The following TMEM217B variants were observed in gnomAD, a reference collection of about 807,000 sequenced individuals.
TMEM217B encodes the protein transmembrane protein 217B, also known as putative transmembrane protein 217B.
chr6:37,229,488 G>A, the TMEM217B span, among the ~76,000 whole-genome samples: 4 of 151,554 alleles, frequency 2.6e-5, no homozygotes, highest in South Asian at 4.2e-4. Context: ...GACTACAGGC[G>A]CCCGCCACCA....
At chr6:37,257,271 C>T in the TMEM217B span, among the ~76,000 whole-genome samples, 1 of 152,170 alleles carries the variant, frequency 6.6e-6, no homozygotes, top group Admixed American at 6.5e-5. Context: ...TGAACCGTTG[C>T]TCACGTGTTG....
the TMEM217B span, among the ~76,000 whole-genome samples, chr6:37,226,602 A>G: frequency 6.6e-6 from 1 of 150,822 alleles, no homozygotes; most frequent in African/African-American, 2.4e-5. Flanking sequence ...CGGCCGAGAC[A>G]GAGTCTTGCT....
chr6:37,229,335 GTTTTTT>G, the TMEM217B span, among the ~76,000 whole-genome samples: 11 of 74,364 alleles, frequency 1.5e-4, no homozygotes, highest in South Asian at 1.3e-3. Context: ...GCAACTTTCA[GTTTTTT>G]TTTTTTTTTT....
the TMEM217B span, among the ~76,000 whole-genome samples, chr6:37,255,096 A>T: frequency 4.3e-4 from 66 of 152,296 alleles, no homozygotes; most frequent in East Asian, 0.011. Context: ...GGTTCCTAAC[A>T]GGCAACAGAC....
the TMEM217B span, chr6:37,218,466 T>C: frequency 6.2e-7 from 1 of 1,613,550 alleles, no homozygotes; most frequent in Non-Finnish European, 8.5e-7. Context: ...TGTGAGCCAC[T>C]GAACCCACTC....
At chr6:37,215,572 A>G in the TMEM217B span, among the ~76,000 whole-genome samples, 255 of 19,564 alleles carry the variant, frequency 0.013, 2 homozygotes, top group African/African-American at 0.032. Flanking sequence ...CTCTGTCTCA[A>G]AAAAAAAAAA....
chr6:37,254,206 G>A, the TMEM217B span, among the ~76,000 whole-genome samples: 1 of 152,266 alleles, frequency 6.6e-6, no homozygotes, highest in South Asian at 2.1e-4. Flanking sequence ...TCAGAATCTA[G>A]GTTTTTAATA....
the TMEM217B span, among the ~76,000 whole-genome samples, chr6:37,249,302 ATTC>A: frequency 5.4e-3 from 814 of 151,748 alleles, 10 homozygotes; most frequent in African/African-American, 0.018. Flanking sequence ...ATTTCTTTTC[ATTC>A]TTCTTCTTCT....
the TMEM217B span, among the ~76,000 whole-genome samples, chr6:37,241,744 A>G: frequency 6.6e-6 from 1 of 152,188 alleles, no homozygotes; most frequent in Admixed American, 6.5e-5. Context: ...GACATTTTGT[A>G]TATATATAAG....
the TMEM217B span, among the ~76,000 whole-genome samples, chr6:37,249,372 T>G: frequency 1.3e-5 from 2 of 152,114 alleles, no homozygotes; most frequent in African/African-American, 4.8e-5. Flanking sequence ...TACGTTGGAG[T>G]GCAGTGGTGC....
chr6:37,226,281 C>CTTTTTTTTTTTT, the TMEM217B span, among the ~76,000 whole-genome samples: 3 of 74,892 alleles, frequency 4.0e-5, 1 homozygote, highest in East Asian at 7.4e-4. Flanking sequence ...TTGAGACAGT[C>CTTTTTTTTTTTT]TTTTTTTTTT....
chr6:37,228,604 TGA>T, the TMEM217B span, among the ~76,000 whole-genome samples: 5 of 149,600 alleles, frequency 3.3e-5, no homozygotes, highest in East Asian at 7.9e-4. Flanking sequence ...CTCGGGAGGC[TGA>T]GAGAGGAGAA....
chr6:37,254,683 C>G, the TMEM217B span, among the ~76,000 whole-genome samples: 1 of 152,292 alleles, frequency 6.6e-6, no homozygotes, highest in South Asian at 2.1e-4. Flanking sequence ...CCTTCTTTCA[C>G]TCAGTAAATA....
At chr6:37,249,827 GA>G in the TMEM217B span, among the ~76,000 whole-genome samples, 1 of 152,168 alleles carries the variant, frequency 6.6e-6, no homozygotes, top group Non-Finnish European at 1.5e-5. Context: ...TGACCACTTT[GA>G]AAAACAGTTG....
the TMEM217B span, among the ~76,000 whole-genome samples, chr6:37,222,247 T>C: frequency 1.3e-5 from 2 of 152,226 alleles, no homozygotes; most frequent in Non-Finnish European, 2.9e-5. Flanking sequence ...CTCCCTGGCC[T>C]GAGGGTGGGG....
the TMEM217B span, among the ~76,000 whole-genome samples, chr6:37,257,276 G>A: frequency 2.6e-5 from 4 of 152,154 alleles, no homozygotes; most frequent in Non-Finnish European, 4.4e-5. Context: ...CGTTGCTCAC[G>A]TGTTGAACAG....
the TMEM217B span, among the ~76,000 whole-genome samples, chr6:37,215,996 T>G: frequency 2.7e-4 from 4 of 14,788 alleles, no homozygotes; most frequent in East Asian, 0.01. Context: ...TTCTTCAGGG[T>G]GTGTGTGTGT....
chr6:37,218,778 A>G, the TMEM217B span: 3 of 1,614,224 alleles, frequency 1.9e-6, no homozygotes, highest in South Asian at 2.2e-5. Flanking sequence ...GCATACACTG[A>G]GTACAGGAGG....
At chr6:37,218,492 T>C in the TMEM217B span, 3 of 1,614,132 alleles carry the variant, frequency 1.9e-6, no homozygotes, top group East Asian at 2.2e-5. Flanking sequence ...TGATAATCTT[T>C]TATTTCTGCT....
Sources: allele counts gnomAD v4.1 joint callset (sites outside exome capture counted in the v4.1 genomes callset), GRCh38; gene constraint gnomAD v4.1.1; transcripts MANE v1.5; gene names NCBI Gene and HGNC (gene_info 2026-07-23, HGNC 2026-07-21).